Variants in DGKH observed in about 807,000 individuals in gnomAD.
DGKH encodes diacylglycerol kinase eta, also known as DAG kinase eta.
A neutral mutation model predicts 159.3 loss-of-function variants in DGKH; 90 were observed. That is an observed-to-expected ratio of 0.57 (90% CI 0.48 to 0.67). The LOEUF (loss-of-function observed/expected upper bound fraction) is 0.67. DGKH is among the 30% of genes least tolerant of loss of function. The pLI, the probability that DGKH is intolerant of heterozygous loss-of-function variation, is 0.00. For missense variants in DGKH, 1,181 were observed against 1,506.1 expected, an observed-to-expected ratio of 0.78 and a Z score of 3.57; for synonymous variants, 536 against 553.8, an observed-to-expected ratio of 0.97 and a Z score of 0.45.
At chr13:42,048,221 T>G (rs1183588863), upstream of DGKH, among the ~76,000 whole-genome samples, 1 of 152,080 alleles carries the variant, frequency 6.6e-6, no homozygotes, top group Non-Finnish European at 1.5e-5. The surrounding 1 kb of genome is among the most constrained non-coding windows in gnomAD (Gnocchi z 6.7). Context: ...CAAGTGTCTC[T>G]GGAGAGATTC....
At position 42,153,316 on chromosome 13, in the gene DGKH, A is replaced by G. The variant is rs940685438; in HGVS notation, c.385-1975A>G. ...CTTGAATTCACAATGACTTTACAAG[A>G]CATTTAATGTAAAGGCACTAAAGAC... On this transcript the variant is annotated intron_variant, in intron 3 of 29. Transcript: ENST00000337343. Among the ~76,000 whole-genome samples, 6 of 152,234 alleles carry G rather than the reference A, an allele frequency of 3.9e-5. 1 individual carries two copies.
chr13:42,208,938 G>A lies in DGKH; in HGVS notation c.2602-21G>A, dbSNP rs755719411. The A allele has an allele frequency of 1.5e-5, 23 of 1,577,092 alleles. No individual in the cohort carries two copies. The Admixed American group carries it at 2.9e-4, about 20-fold the overall frequency. On this transcript the variant is annotated intron_variant, in intron 21 of 29. Transcript: ENST00000337343. ...CTTCACCTAAACATTCAGTAGAAGT[G>A]TAATGTAGTTTTTCTTTCAGATATT...
chr13:42,148,794 C>T (rs1325132160), intron 3 of DGKH, among the ~76,000 whole-genome samples: 1 of 152,084 alleles, frequency 6.6e-6, no homozygotes, highest in African/African-American at 2.4e-5. Flanking sequence ...ATGCCCAGCC[C>T]CTGCCTGATC....
intron 1 of DGKH, among the ~76,000 whole-genome samples, chr13:42,092,564 G>C (rs1954440320): frequency 6.6e-6 from 1 of 152,162 alleles, no homozygotes; most frequent in Admixed American, 6.5e-5. Context: ...TTGAGATAGA[G>C]AGTGGAATGG....
chr13:42,100,330 G>T (rs1954629266), intron 1 of DGKH, among the ~76,000 whole-genome samples: 1 of 152,048 alleles, frequency 6.6e-6, no homozygotes, highest in African/African-American at 2.4e-5. Context: ...CAAGCTTAGG[G>T]CTCCCACTGA....
chr13:42,088,743 C>A (rs2137740282), intron 1 of DGKH, among the ~76,000 whole-genome samples: 1 of 152,132 alleles, frequency 6.6e-6, no homozygotes, highest in Non-Finnish European at 1.5e-5. Flanking sequence ...TATTAAACAG[C>A]AAAATTGTAG....
chr13:42,183,913 G>A (rs1423866193), intron 13 of DGKH, among the ~76,000 whole-genome samples: 1 of 151,992 alleles, frequency 6.6e-6, no homozygotes, highest in Admixed American at 6.6e-5. Flanking sequence ...TTTTACTTAC[G>A]CACTCTACTC....
intron 7 of DGKH, among the ~76,000 whole-genome samples, chr13:42,162,541 CA>C (rs1956212348): frequency 6.6e-6 from 1 of 151,532 alleles, no homozygotes; most frequent in African/African-American, 2.4e-5. Flanking sequence ...AAAACATGAA[CA>C]CCTGTAATTC....
At chr13:42,166,371 T>C in intron 8 of DGKH, 144 bp from the exon 9 acceptor site, 1 of 579,646 alleles carries the variant, frequency 1.7e-6, no homozygotes, top group Non-Finnish European at 2.7e-6. Flanking sequence ...TGTATGTAAA[T>C]AGTTAACCTA....
chr13:42,201,960 C>T (rs1368628733), intron 20 of DGKH, among the ~76,000 whole-genome samples: 2 of 151,934 alleles, frequency 1.3e-5, no homozygotes, highest in East Asian at 1.9e-4. Flanking sequence ...CCTTTTTTCC[C>T]CTACATTTAT....
At chr13:42,062,065 G>T (rs1882222170) in intron 1 of DGKH, among the ~76,000 whole-genome samples, 1 of 151,510 alleles carries the variant, frequency 6.6e-6, no homozygotes, top group African/African-American at 2.4e-5. Flanking sequence ...GGTAATATTT[G>T]AACAGAGATC....
chr13:42,181,716 G>A, intron 13 of DGKH: 1 of 699,792 alleles, frequency 1.4e-6, no homozygotes, highest in Non-Finnish European at 2.2e-6. Context: ...CCCCACAGCA[G>A]GGCCCACAGC....
chr13:42,049,382 G>A (rs1881090449), intron 1 of DGKH, among the ~76,000 whole-genome samples: 1 of 152,218 alleles, frequency 6.6e-6, no homozygotes, highest in South Asian at 2.1e-4. Context: ...AACTTAAAAG[G>A]AGAGTTTCAA....
downstream of DGKH, among the ~76,000 whole-genome samples, chr13:42,246,087 G>A (rs890595142): frequency 2.0e-5 from 3 of 152,176 alleles, no homozygotes; most frequent in African/African-American, 7.2e-5. Flanking sequence ...AGATTTTTCT[G>A]ATGTGGAAAT....
At chr13:42,161,851 T>A (rs1014902706) in intron 7 of DGKH, among the ~76,000 whole-genome samples, 10 of 152,126 alleles carry the variant, frequency 6.6e-5, no homozygotes, top group Non-Finnish European at 1.5e-4. Context: ...AGAAAGGTTT[T>A]ATGTAAATTT....
chr13:42,227,881 A>G (rs977593007), intron 29 of DGKH, among the ~76,000 whole-genome samples: 1 of 152,216 alleles, frequency 6.6e-6, no homozygotes, highest in Non-Finnish European at 1.5e-5. Context: ...TTGAAAAATA[A>G]ATAAATTATA....
intron 1 of DGKH, among the ~76,000 whole-genome samples, chr13:42,109,661 CGT>C (rs1247260967): frequency 1.3e-5 from 1 of 78,142 alleles, no homozygotes; most frequent in Non-Finnish European, 2.5e-5. Flanking sequence ...CCTGTGCGTG[CGT>C]GTGTGTGCGT....
intron 30 of DGKH, among the ~76,000 whole-genome samples, chr13:42,253,724 T>C (rs1470398812): frequency 6.6e-6 from 1 of 152,234 alleles, no homozygotes; most frequent in Admixed American, 6.5e-5. Flanking sequence ...TCTGATTCTG[T>C]GATAAGCTTA....
At chr13:42,157,526 G>A (rs955468390) in intron 5 of DGKH, among the ~76,000 whole-genome samples, 2 of 152,076 alleles carry the variant, frequency 1.3e-5, no homozygotes, top group Non-Finnish European at 2.9e-5. Context: ...GGTGGCTCAC[G>A]CCTGTAATCC....
Sources: allele counts gnomAD v4.1 joint callset (sites outside exome capture counted in the v4.1 genomes callset), GRCh38; gene constraint gnomAD v4.1.1; non-coding constraint Gnocchi (gnomAD v3.1); transcripts MANE v1.5; gene names NCBI Gene and HGNC (gene_info 2026-07-23, HGNC 2026-07-21).